Variants in PIR observed in about 807,000 individuals in gnomAD.
The protein encoded by PIR is pirin (iron-binding nuclear protein).
In PIR, 22 loss-of-function variants were observed where a neutral mutation model predicts 24.2. The observed-to-expected ratio is 0.91, with a 90% CI of 0.65 to 1.30. The LOEUF (loss-of-function observed/expected upper bound fraction) is 1.30. PIR is among the 50% of genes most tolerant of loss of function. The pLI is 0.00. For synonymous variants in PIR, 80 were observed against 79.6 expected (o/e 1.00, Z -0.03); for missense variants, 220 against 220.3 (o/e 1.00, Z 0.01).
chrX:15,472,715 A>G (rs183458423), intron 3 of PIR, among the ~76,000 whole-genome samples: 1 of 112,312 alleles, frequency 8.9e-6, no homozygotes, highest in Admixed American at 9.4e-5. Context: ...TTCTGGGCTG[A>G]TGAAAGTGTT....
chrX:15,405,019 C>T (rs1924511546), intron 7 of PIR, among the ~76,000 whole-genome samples: 3 of 111,541 alleles, frequency 2.7e-5, no homozygotes, highest in African/African-American at 9.8e-5. Flanking sequence ...TCAGGAAAAT[C>T]CTGCCTCATC....
intron 1 of PIR, 86 bp from the exon 2 acceptor site, chrX:15,491,395 C>T (rs1267890062): frequency 3.6e-5 from 15 of 421,732 alleles, no homozygotes; most frequent in African/African-American, 1.0e-4. Flanking sequence ...AGATTAGATG[C>T]GCAAAATAGT....
At chrX:15,442,687 G>A (rs749634522) in intron 5 of PIR, among the ~76,000 whole-genome samples, 7 of 112,123 alleles carry the variant, frequency 6.2e-5, no homozygotes, top group African/African-American at 1.9e-4. Flanking sequence ...GAAAGTTTGA[G>A]TGGTCTGGAT....
intron 5 of PIR, among the ~76,000 whole-genome samples, chrX:15,455,356 C>A (rs1308779001): frequency 8.9e-6 from 1 of 112,614 alleles, no homozygotes; most frequent in Non-Finnish European, 1.9e-5. Flanking sequence ...ATGGGTTGGA[C>A]AAATTGTCAA....
In PIR at chrX:15,388,285, AG is replaced by A. The variant is rs1923839877; in HGVS notation, c.760+1899del. Among the ~76,000 whole-genome samples, 3 of 112,091 alleles carry A rather than the reference AG, an allele frequency of 2.7e-5. No homozygotes were observed. The Admixed American group carries it at 2.8e-4, about 11-fold the overall frequency. On this transcript the variant is annotated intron_variant, in intron 9 of 9. Transcript: ENST00000380420. ...ACATAAGACATGGGGTCAGGAGACT[AG>A]GGTTCGAGTCCCAGCTCCACTGCTA...
intron 2 of PIR, among the ~76,000 whole-genome samples, chrX:15,482,269 C>T (rs1004002529): frequency 9.0e-6 from 1 of 111,559 alleles, no homozygotes; most frequent in African/African-American, 3.3e-5. Flanking sequence ...TTTTTACAAG[C>T]GAGCATCTCT....
At chrX:15,415,392 C>A (rs1364972688) in intron 6 of PIR, among the ~76,000 whole-genome samples, 1 of 111,423 alleles carries the variant, frequency 9.0e-6, no homozygotes, top group Non-Finnish European at 1.9e-5. Context: ...ACTGTGAACC[C>A]CTTAAAATGT....
chrX:15,397,155 TAAAG>T (rs927794481), intron 8 of PIR, among the ~76,000 whole-genome samples: 2 of 112,287 alleles, frequency 1.8e-5, no homozygotes. Context: ...ATCAATTGTA[TAAAG>T]AAAGAAAATT....
chrX:15,479,930 T>C (rs1283624504), intron 2 of PIR, 109 bp from the exon 3 acceptor site: 15 of 355,977 alleles, frequency 4.2e-5, no homozygotes, highest in Admixed American at 1.1e-4. Context: ...ACATAGCCAA[T>C]GGGCAACTTT....
At chrX:15,459,430 G>A (rs1921208715) in intron 4 of PIR, among the ~76,000 whole-genome samples, 4 of 112,165 alleles carry the variant, frequency 3.6e-5, no homozygotes, top group African/African-American at 9.7e-5. Context: ...GTAAGAAAAA[G>A]ACTAGGTGGG....
chrX:15,427,812 T>C (rs1055737981), intron 5 of PIR, among the ~76,000 whole-genome samples: 2 of 109,762 alleles, frequency 1.8e-5, no homozygotes, highest in Non-Finnish European at 3.8e-5. Flanking sequence ...TATACATACA[T>C]ATATACACAC....
At chrX:15,422,209 A>C (rs1356015398) in intron 6 of PIR, among the ~76,000 whole-genome samples, 2 of 110,754 alleles carry the variant, frequency 1.8e-5, no homozygotes, top group Non-Finnish European at 3.8e-5. Flanking sequence ...AATGGGAAAA[A>C]ATTGAAAGAA....
intron 3 of PIR, among the ~76,000 whole-genome samples, chrX:15,470,136 C>T (rs765878309): frequency 2.7e-5 from 3 of 111,722 alleles, no homozygotes; most frequent in Admixed American, 9.5e-5. Context: ...ATCATATGGG[C>T]CCACCAAATC....
chrX:15,458,136 C>A (rs1921155269), intron 4 of PIR, among the ~76,000 whole-genome samples: 1 of 112,013 alleles, frequency 8.9e-6, no homozygotes, highest in Non-Finnish European at 1.9e-5. Context: ...TTCATTTCTT[C>A]ATATTTTCAA....
chrX:15,430,088 G>T (rs1314945124), intron 5 of PIR, among the ~76,000 whole-genome samples: 3 of 111,880 alleles, frequency 2.7e-5, no homozygotes, highest in Non-Finnish European at 5.6e-5. Flanking sequence ...TTAAAACTTA[G>T]CTATCAATGA....
intron 5 of PIR, among the ~76,000 whole-genome samples, chrX:15,442,195 C>T (rs113405330): frequency 0.014 from 1,502 of 110,894 alleles, 27 homozygotes; most frequent in African/African-American, 0.045. Flanking sequence ...TAATTCTTGC[C>T]ATATTTCATT....
intron 5 of PIR, chrX:15,429,648 T>C (rs1410097895): frequency 9.0e-6 from 1 of 111,652 alleles, no homozygotes; most frequent in African/African-American, 3.3e-5. Context: ...CGAGGTCAGA[T>C]GATAGAGATC....
rs1921061159 is a variant in PIR, at chrX:15,455,875, G to C, written c.453C>G (p.Val151=). The stretch of plus-strand genomic sequence containing the variant: ...TTATTCCCAGGGCTTCTCCAGAAAT[G>C]ACAGCAACTGTCACACCATCCTTAC... ...KPSKDGVTVA[V]ISGEALGIKS... Residue 151 remains valine, a synonymous_variant, in exon 5 of 10, where the codon GTC becomes GTG. Transcript: ENST00000380420. 1 of 1,208,438 alleles carries C rather than the reference G, an allele frequency of 8.3e-7. No homozygotes were observed. Among genetic ancestry groups the C allele is most frequent in the Admixed American group, 2.2e-5 (1 of 45,830 alleles).
At chrX:15,419,343 C>G (rs867122392) in intron 6 of PIR, among the ~76,000 whole-genome samples, 3 of 78,293 alleles carry the variant, frequency 3.8e-5, no homozygotes, top group Non-Finnish European at 5.0e-5. Context: ...ATGGATAAGT[C>G]TGTGTGTGTG....
Sources: gnomAD v4.1 joint callset for allele counts (sites outside exome capture counted in the v4.1 genomes callset) on GRCh38, gnomAD v4.1.1 for gene constraint, MANE v1.5 for transcripts, NCBI Gene and HGNC (gene_info 2026-07-23, HGNC 2026-07-21) for gene names.